Variants in LYN observed in about 807,000 individuals in gnomAD.
LYN encodes the protein tyrosine-protein kinase Lyn.
LYN carries 12 observed loss-of-function variants against 65.0 expected under a neutral mutation model. The ratio of observed to expected loss-of-function variants is 0.18; its 90% CI spans 0.12 to 0.30. The LOEUF (loss-of-function observed/expected upper bound fraction) is 0.30. Ranked by LOEUF, LYN falls within the 10% of genes least tolerant of loss-of-function variation. The pLI is 1.00. For synonymous variants in LYN, 222 were observed against 221.2 expected (o/e 1.00, Z -0.03); for missense variants, 380 against 623.2 (o/e 0.61, Z 4.16).
At chr8:55,890,489 T>A (rs927454414) in intron 1 of LYN, among the ~76,000 whole-genome samples, 1 of 152,222 alleles carries the variant, frequency 6.6e-6, no homozygotes, top group East Asian at 1.9e-4. Flanking sequence ...GGTGGGAGTG[T>A]AAAATGCTAC....
At chr8:55,966,986 A>G (rs1456192491) in intron 9 of LYN, 89 bp downstream of exon 9, 7 of 1,269,582 alleles carry the variant, frequency 5.5e-6, no homozygotes, top group Non-Finnish European at 7.6e-6. Flanking sequence ...CAACTAGTTT[A>G]ATTATCAAAC....
At chr8:55,961,560 C>T (rs1212641964) in intron 8 of LYN, among the ~76,000 whole-genome samples, 1 of 152,148 alleles carries the variant, frequency 6.6e-6, no homozygotes, top group Non-Finnish European at 1.5e-5. Context: ...ACCTCAAACT[C>T]CTTATCAGTA....
At chr8:55,972,234 C>A (rs1366515366) in intron 10 of LYN, among the ~76,000 whole-genome samples, 1 of 152,194 alleles carries the variant, frequency 6.6e-6, no homozygotes, top group Non-Finnish European at 1.5e-5. Flanking sequence ...TCATTCAGCA[C>A]AAAATTCATT....
In LYN at chr8:55,942,007, CAG is replaced by C. The variant is rs768390609; in HGVS notation, c.132+17_132+18del. On this transcript the variant is annotated intron_variant, in intron 2 of 12. Coordinates refer to ENST00000519728, the MANE Select transcript of LYN (RefSeq NM_002350.4). ...GCAAAGGCCAGTAAGTAGATAGTCT[CAG>C]GGGAGAATTCCCACAGCAAGATCAA... 5 of 1,612,216 alleles carry C rather than the reference CAG, an allele frequency of 3.1e-6. No individual in the cohort carries two copies. The highest frequency in any genetic ancestry group is 4.2e-6 in the Non-Finnish European group (5 of 1,179,462).
chr8:55,990,750 A>C (rs1808223920), intron 10 of LYN, among the ~76,000 whole-genome samples: 2 of 152,150 alleles, frequency 1.3e-5, no homozygotes, highest in African/African-American at 4.8e-5. Context: ...AGAAGGGCAT[A>C]ATGAGTCATG....
chr8:55,953,909 G>A lies in LYN; in HGVS notation c.715G>A (p.Ala239Thr). 1 of 1,614,150 alleles carries A rather than the reference G, an allele frequency of 6.2e-7. No individual in the cohort carries two copies. ...PKPQKPWDKD[A>T]WEIPRESIKL... ...GCCACAGAAGCCATGGGATAAAGAT[G>A]CCTGGGAGATCCCCCGGGAGTCCAT... The change falls in exon 8 of 13, where the codon GCC (alanine) becomes ACC (threonine). Residue 239 changes from alanine (A) to threonine (T), a missense_variant. Physicochemically the swap from Ala to Thr is moderately conservative, Grantham distance 58 (BLOSUM62 0). This residue lies in a region of LYN where 223 missense variants were observed against 430.0 expected (regional missense o/e 0.52). Transcript: ENST00000519728.
At position 55,951,944 on chromosome 8, in the gene LYN, A is replaced by G. The variant is rs200465646; in HGVS notation, c.488-22A>G. 2.1e-3 allele frequency: 3,356 copies of G among 1,603,618 alleles called. 5 individuals are homozygous for G. Among genetic ancestry groups the G allele is most frequent in the Non-Finnish European group, 2.3e-3 (2,706 of 1,175,078 alleles). On this transcript the variant is annotated intron_variant, in intron 6 of 12. Transcript: ENST00000519728. ...TCTTATTTGTGAGATATAAACATTT[A>G]CTTACACTTTTCCCCCCATAGGAAG...
At chr8:55,966,174 G>A (rs578139025) in intron 8 of LYN, among the ~76,000 whole-genome samples, 10 of 151,782 alleles carry the variant, frequency 6.6e-5, no homozygotes, top group Non-Finnish European at 1.2e-4. Flanking sequence ...CAATAAAAAC[G>A]TTTTTTTGCT....
chr8:55,969,893 T>C (rs1807565748), intron 10 of LYN, 100 bp downstream of exon 10: 4 of 1,037,372 alleles, frequency 3.9e-6, no homozygotes, highest in Non-Finnish European at 1.5e-6. Flanking sequence ...GGAATTTCTG[T>C]TGAATGTTTC....
Position 55,927,843 on chromosome 8 carries a change from A to G in LYN, c.-5-14012A>G, listed in dbSNP as rs201631196. 3.6e-3 allele frequency among the ~76,000 whole-genome samples: 429 copies of G among 117,746 alleles called. 2 individuals are homozygous for G. The highest frequency in any genetic ancestry group is 0.01 in the African/African-American group (382 of 36,898). 77.2% of individuals were successfully genotyped at this position (117,746 alleles called of 152,430 possible). ...AGAGCGAGACTCTGTCCCAAGGGGG[A>G]AAAAAAAAAGAAAGAAAGCTGCTAT... On this transcript the variant is annotated intron_variant, in intron 1 of 12. Coordinates refer to ENST00000519728, the MANE Select transcript of LYN (RefSeq NM_002350.4).
chr8:55,979,637 T>C (rs1563322381), intron 10 of LYN, among the ~76,000 whole-genome samples: 1 of 152,108 alleles, frequency 6.6e-6, no homozygotes, highest in African/African-American at 2.4e-5. Context: ...TATTCTGAGG[T>C]CAGTTTGGTG....
At chr8:55,881,037 T>C (rs911945773) in intron 1 of LYN, among the ~76,000 whole-genome samples, 56 of 152,218 alleles carry the variant, frequency 3.7e-4, no homozygotes, top group African/African-American at 1.3e-3. Flanking sequence ...GGACCGATTA[T>C]TGAAATTCCC....
intron 1 of LYN, among the ~76,000 whole-genome samples, chr8:55,921,704 G>A (rs1404783340): frequency 6.6e-6 from 1 of 152,210 alleles, no homozygotes; most frequent in Non-Finnish European, 1.5e-5. Context: ...AGGTGATGGT[G>A]AGGCAGGTTG....
Position 55,950,562 on chromosome 8 carries a change from G to C in LYN, c.383+5G>C. 6.2e-7 allele frequency: 1 copy of C among 1,610,402 alleles called. No individual in the cohort carries two copies. The highest frequency in any genetic ancestry group is 8.5e-7 in the Non-Finnish European group (1 of 1,177,016). On this transcript the variant is annotated splice_donor_5th_base_variant and intron_variant, in intron 5 of 12. Transcript: ENST00000519728. ...CAACACCTTAGAAACAGAAGAGTGA[G>C]TCCTCATGTGTTGTCATCTTGGTGG... is the stretch of plus-strand genomic sequence containing the variant.
intron 12 of LYN, among the ~76,000 whole-genome samples, chr8:56,001,802 G>T (rs890578054): frequency 1.3e-5 from 2 of 151,980 alleles, no homozygotes; most frequent in Non-Finnish European, 1.5e-5. Flanking sequence ...AGAATGTTTT[G>T]TGATATGCGT....
chr8:55,911,666 G>C (rs564255534), intron 1 of LYN, among the ~76,000 whole-genome samples: 5 of 94,720 alleles, frequency 5.3e-5, no homozygotes, highest in Non-Finnish European at 1.2e-4. Context: ...AACCCTGGGG[G>C]CAGTCCTATG....
intron 6 of LYN, among the ~76,000 whole-genome samples, chr8:55,951,246 C>CAA (rs146943216): frequency 0.011 from 1,539 of 145,078 alleles, 36 homozygotes; most frequent in African/African-American, 0.036. Context: ...GGCACTGTCT[C>CAA]AAAAAAAAAA....
intron 1 of LYN, 38 bp from the exon 2 acceptor site, chr8:55,941,817 A>C: frequency 6.3e-7 from 1 of 1,577,046 alleles, no homozygotes; most frequent in Non-Finnish European, 8.7e-7. Flanking sequence ...GCAGTTCTGG[A>C]ATGGTAAAAC....
At chr8:55,907,388 T>C (rs1805457407) in intron 1 of LYN, among the ~76,000 whole-genome samples, 1 of 152,128 alleles carries the variant, frequency 6.6e-6, no homozygotes, top group Admixed American at 6.5e-5. Context: ...TTCATTTCTG[T>C]GAAGTTCAGG....
Sources: allele counts gnomAD v4.1 joint callset (sites outside exome capture counted in the v4.1 genomes callset), GRCh38; gene constraint gnomAD v4.1.1; regional missense constraint gnomAD v4.1.1; transcripts MANE v1.5; gene names NCBI Gene and HGNC (gene_info 2026-07-23, HGNC 2026-07-21).